The following TRIM5 variants were observed in gnomAD, a reference collection of about 807,000 sequenced individuals.
The protein encoded by TRIM5 is tripartite motif-containing protein 5.
Under a neutral mutation model 35.6 loss-of-function variants are expected in TRIM5, and 31 were observed. That is an observed-to-expected ratio of 0.87 (90% CI 0.65 to 1.18). The LOEUF is 1.18. Among genes scored for constraint, TRIM5 ranks in the 50% most tolerant of loss-of-function variants. The pLI is 0.00. For missense variants in TRIM5, 609 were observed against 591.6 expected (o/e 1.03, Z -0.31); for synonymous variants, 243 against 215.6 (o/e 1.13, Z -1.11).
chr11:5,665,548 C>A, intron 7 of TRIM5, 108 bp downstream of exon 7: 1 of 1,570,686 alleles, frequency 6.4e-7, no homozygotes, highest in Non-Finnish European at 8.6e-7. Flanking sequence ...GAAGGAGAAT[C>A]ATAAATCTTA....
At chr11:5,610,922 C>T in the TRIM5 span, 1 of 1,614,204 alleles carries the variant, frequency 6.2e-7, no homozygotes, top group African/African-American at 1.3e-5. Flanking sequence ...GCTCCCAGCA[C>T]TTCTCCTCTG....
At chr11:5,644,314 T>C in the TRIM5 span, 3 of 398,524 alleles carry the variant, frequency 7.5e-6, no homozygotes, top group South Asian at 3.8e-4. Flanking sequence ...TTAAGATCAC[T>C]GTGTAAAACT....
the TRIM5 span, chr11:5,633,796 TCTCATAGGAGAAACTCCAGG>T: frequency 6.8e-6 from 11 of 1,612,852 alleles, no homozygotes; most frequent in East Asian, 2.5e-4. Context: ...GTGATTCCCT[TCTCATAGGAGAAACTCCAGG>T]CAGTCCTCAA....
At chr11:5,672,347 G>C (rs1468086928) in intron 4 of TRIM5, among the ~76,000 whole-genome samples, 1 of 152,018 alleles carries the variant, frequency 6.6e-6, no homozygotes, top group Non-Finnish European at 1.5e-5. Flanking sequence ...AAGTAGGTGG[G>C]ATTACAGGCA....
At chr11:5,625,916 T>C in the TRIM5 span, among the ~76,000 whole-genome samples, 1 of 152,402 alleles carries the variant, frequency 6.6e-6, no homozygotes, top group Admixed American at 6.5e-5. Flanking sequence ...TTGTTCATTG[T>C]GGGCTCAGAA....
At chr11:5,677,600 C>G (rs539593721) in intron 4 of TRIM5, among the ~76,000 whole-genome samples, 3 of 152,120 alleles carry the variant, frequency 2.0e-5, no homozygotes, top group Non-Finnish European at 4.4e-5. Flanking sequence ...GGGGTTTCAC[C>G]GTGTTAGCCA....
At chr11:5,611,677 T>G in the TRIM5 span, 1 of 229,340 alleles carries the variant, frequency 4.4e-6, no homozygotes, top group Admixed American at 5.2e-5. Flanking sequence ...GATCTCGAAC[T>G]CCTGACCGCA....
chr11:5,675,822 G>T, intron 4 of TRIM5, among the ~76,000 whole-genome samples: 1 of 126,818 alleles, frequency 7.9e-6, no homozygotes, highest in African/African-American at 2.9e-5. Flanking sequence ...TCTAGCATTA[G>T]GTATATCTCC....
At chr11:5,596,522 C>CCCCCCTTCCCCCTT in the TRIM5 span, 6 of 29,276 alleles carry the variant, frequency 2.0e-4, no homozygotes, top group East Asian at 1.0e-3. Context: ...TTCTCCCCTT[C>CCCCCCTTCCCCCTT]CCCCCTTCCC....
chr11:5,601,693 G>T, the TRIM5 span, among the ~76,000 whole-genome samples: 2 of 152,176 alleles, frequency 1.3e-5, no homozygotes, highest in African/African-American at 4.8e-5. Flanking sequence ...GGGAGGCAGA[G>T]GTTGCAGTGA....
chr11:5,620,167 CTTTTTTTTTTTTTTTTT>C, the TRIM5 span: 1 of 72,772 alleles, frequency 1.4e-5, no homozygotes, highest in Admixed American at 2.5e-4. Flanking sequence ...TTTCTTTCTT[CTTTTTTTTTTTTTTTTT>C]TTTTTTTTGT....
the TRIM5 span, among the ~76,000 whole-genome samples, chr11:5,592,269 A>G: frequency 6.6e-6 from 1 of 152,216 alleles, no homozygotes; most frequent in African/African-American, 2.4e-5. Flanking sequence ...GTACTTCATT[A>G]TAGTTAATAA....
At chr11:5,626,414 T>C in the TRIM5 span, among the ~76,000 whole-genome samples, 2 of 152,234 alleles carry the variant, frequency 1.3e-5, no homozygotes, top group East Asian at 3.8e-4. Flanking sequence ...CATGAAGGCC[T>C]TGCAACTTTA....
At chr11:5,645,922 T>G in the TRIM5 span, 1 of 156,898 alleles carries the variant, frequency 6.4e-6, no homozygotes, top group Non-Finnish European at 1.2e-5. Flanking sequence ...TATAGATATA[T>G]ATATAGATAT....
chr11:5,636,056 T>C, the TRIM5 span, among the ~76,000 whole-genome samples: 22 of 152,310 alleles, frequency 1.4e-4, no homozygotes, highest in African/African-American at 5.3e-4. Flanking sequence ...AAGAACTGAA[T>C]ACATATATTT....
At chr11:5,683,291 C>T (rs1353425043) in intron 1 of TRIM5, among the ~76,000 whole-genome samples, 1 of 152,212 alleles carries the variant, frequency 6.6e-6, no homozygotes, top group Non-Finnish European at 1.5e-5. Context: ...AGTGCAGGTG[C>T]GTGGCATGGC....
intron 4 of TRIM5, among the ~76,000 whole-genome samples, chr11:5,670,885 C>A (rs147863677): frequency 0.013 from 2,046 of 152,236 alleles, 14 homozygotes; most frequent in Middle Eastern, 0.024. Context: ...AATGAAGGTA[C>A]AGAAACACTT....
chr11:5,659,714 G>A (rs544195335), downstream of TRIM5, among the ~76,000 whole-genome samples: 65 of 150,984 alleles, frequency 4.3e-4, 1 homozygote, highest in Non-Finnish European at 8.8e-5. Context: ...TTATTGTTTT[G>A]TAAGCTCCTG....
intron 1 of TRIM5, chr11:5,684,128 C>T (rs1419047057): frequency 1.2e-5 from 2 of 172,338 alleles, no homozygotes; most frequent in Admixed American, 6.4e-5. Flanking sequence ...TGCAAGCGTC[C>T]GCGGCTTCAT....
Sources: allele counts gnomAD v4.1 joint callset (sites outside exome capture counted in the v4.1 genomes callset), GRCh38; gene constraint gnomAD v4.1.1; transcripts MANE v1.5; gene names NCBI Gene and HGNC (gene_info 2026-07-23, HGNC 2026-07-21).